ICE1: variants seen among roughly 807,000 people sequenced by gnomAD.
ICE1 encodes little elongation complex subunit 1.
In ICE1, 64 loss-of-function variants were observed where a neutral mutation model predicts 192.7. The observed-to-expected ratio is 0.33, with a 90% CI of 0.27 to 0.41. The LOEUF is 0.41. ICE1 is among the 10% of genes least tolerant of loss of function. The probability of loss-of-function intolerance (pLI) is 1.00; values close to 1 mark genes in which losing one functional copy is unlikely to be tolerated. For missense variants in ICE1, 2,708 were observed against 2,696.0 expected, an observed-to-expected ratio of 1.00 and a Z score of -0.10; for synonymous variants, 1,010 against 984.5, an observed-to-expected ratio of 1.03 and a Z score of -0.49.
chr5:5,424,927 C>T (rs553941791), intron 1 of ICE1, among the ~76,000 whole-genome samples: 1 of 152,234 alleles, frequency 6.6e-6, no homozygotes, highest in African/African-American at 2.4e-5. Flanking sequence ...TCCTGTAGAC[C>T]ATTGTTGGGG....
Position 5,422,735 on chromosome 5 carries a change from G to T in ICE1, c.-181G>T, listed in dbSNP as rs1737341834. On this transcript the variant is annotated 5_prime_UTR_variant, in exon 1 of 19. Coordinates refer to ENST00000296564, the MANE Select transcript of ICE1 (RefSeq NM_015325.3). Reference sequence around the variant, plus strand: ...GCGTTTCTTTTTAGTGCCTGAGGCAGCTCTGGCTCGGAGAGCCTTTTGCTA... The same window carrying T: ...GCGTTTCTTTTTAGTGCCTGAGGCATCTCTGGCTCGGAGAGCCTTTTGCTA... 2.7e-6 allele frequency: 1 copy of T among 372,654 alleles called. No homozygotes were observed. 23.1% of individuals were successfully genotyped at this position (372,654 alleles called of 1,614,324 possible).
intron 17 of ICE1, among the ~76,000 whole-genome samples, chr5:5,476,432 A>C (rs1178764952): frequency 6.6e-6 from 1 of 152,170 alleles, no homozygotes; most frequent in African/African-American, 2.4e-5. Flanking sequence ...CCATTCTTGC[A>C]TTGCTATATA....
At chr5:5,446,327 C>G (rs72643752) in intron 7 of ICE1, among the ~76,000 whole-genome samples, 5,005 of 152,074 alleles carry the variant, frequency 0.033, 178 homozygotes, top group East Asian at 0.16. Flanking sequence ...CAGGGTCTCA[C>G]TCCGTCACCT....
In ICE1 at chr5:5,463,865, C is replaced by T; in HGVS notation, c.4531C>T (p.Arg1511Ter). The T allele has an allele frequency of 4.3e-6, 7 of 1,613,756 alleles. No individual in the cohort carries two copies. The highest frequency in any genetic ancestry group is 1.1e-5 in the South Asian group (1 of 91,058). Reference protein sequence around the residue: ...QSTNFDKSRLRNRPVKPSIWI... With the variant: ...QSTNFDKSRL ...CACCAACTTTGATAAGAGTCGTTTGCGAAATAGACCCGTTAAGCCTAGTAT... is the reference window on the plus strand; with the variant it reads ...CACCAACTTTGATAAGAGTCGTTTGTGAAATAGACCCGTTAAGCCTAGTAT... Residue 1511 changes from arginine (R) to a stop codon, truncating the protein, a stop_gained, in exon 13 of 19, where the codon CGA (arginine) becomes TGA (stop). Transcript: ENST00000296564. LOFTEE classifies it high-confidence loss of function.
chr5:5,477,618 T>A (rs1304056134), intron 17 of ICE1, among the ~76,000 whole-genome samples: 2 of 152,002 alleles, frequency 1.3e-5, no homozygotes, highest in African/African-American at 4.8e-5. Context: ...AAAGAAGGAA[T>A]CCTCCCTAAC....
chr5:5,439,732 C>T (rs1356994450), intron 3 of ICE1, among the ~76,000 whole-genome samples, 163 bp from the exon 4 acceptor site: 2 of 152,148 alleles, frequency 1.3e-5, no homozygotes, highest in Admixed American at 6.5e-5. Context: ...AAAAGACTTA[C>T]CACTGTGTTT....
At chr5:5,481,985 TCTC>T (rs1739516535) in intron 17 of ICE1, among the ~76,000 whole-genome samples, 1 of 152,228 alleles carries the variant, frequency 6.6e-6, no homozygotes, top group African/African-American at 2.4e-5. Context: ...TAAAATGTGG[TCTC>T]CTGACTAAGC....
intron 18 of ICE1, among the ~76,000 whole-genome samples, chr5:5,487,144 C>G (rs1739657980): frequency 6.6e-6 from 1 of 152,170 alleles, no homozygotes; most frequent in African/African-American, 2.4e-5. Flanking sequence ...AACCTGGGCT[C>G]TCTGCGAGGC....
chr5:5,470,738 T>C (rs1334707746), intron 15 of ICE1, among the ~76,000 whole-genome samples: 1 of 152,188 alleles, frequency 6.6e-6, no homozygotes, highest in Non-Finnish European at 1.5e-5. Flanking sequence ...CAAAATTCCC[T>C]GGTAATAATT....
Position 5,463,565 on chromosome 5 carries a change from A to C in ICE1, c.4231A>C (p.Asn1411His). The C allele has an allele frequency of 6.2e-7, 1 of 1,614,008 alleles. No individual in the cohort carries two copies. The highest frequency in any genetic ancestry group is 1.1e-5 in the South Asian group (1 of 91,072). ...CTCAGAAGTTATAAACGTACTTATA[A>C]ATAAGGATCAGAATCTAGTCATTGA... ...VTSEVINVLI[N>H]KDQNLVIEKG... Residue 1411 changes from asparagine (N) to histidine (H), a missense_variant, in exon 13 of 19, where the codon AAT becomes CAT. Transcript: ENST00000296564.
intron 14 of ICE1, 26 bp downstream of exon 14, chr5:5,466,528 T>C (rs1356432129): frequency 2.5e-6 from 4 of 1,575,312 alleles, no homozygotes; most frequent in Admixed American, 1.9e-5. Flanking sequence ...GACAATTTTG[T>C]ATTGAAAATA....
At chr5:5,439,938 A>G (rs777824745) in intron 4 of ICE1, 25 bp downstream of exon 4, 1 of 1,522,110 alleles carries the variant, frequency 6.6e-7, no homozygotes, top group South Asian at 1.2e-5. Flanking sequence ...TTCATAGTTT[A>G]TGATACCACC....
chr5:5,480,705 C>G (rs1046605011), intron 17 of ICE1, among the ~76,000 whole-genome samples: 2 of 152,158 alleles, frequency 1.3e-5, no homozygotes, highest in African/African-American at 4.8e-5. Flanking sequence ...TCTGTGTGTA[C>G]TTTGCATGCA....
chr5:5,466,294 A>G (rs755777693), intron 13 of ICE1, 40 bp from the exon 14 acceptor site: 5 of 1,524,674 alleles, frequency 3.3e-6, no homozygotes, highest in Admixed American at 2.2e-5. Context: ...GAAGATAAGT[A>G]TGAGTGTACA....
chr5:5,425,225 G>A (rs1737486117), intron 1 of ICE1, among the ~76,000 whole-genome samples: 2 of 152,088 alleles, frequency 1.3e-5, no homozygotes, highest in South Asian at 2.1e-4. Flanking sequence ...CCTAGAAATT[G>A]AATCTCCTTC....
chr5:5,434,659 A>C (rs1258744455), intron 1 of ICE1, among the ~76,000 whole-genome samples: 2 of 152,228 alleles, frequency 1.3e-5, no homozygotes, highest in Non-Finnish European at 2.9e-5. Flanking sequence ...TGTAAAAGCT[A>C]ACCAGGATGT....
At chr5:5,469,733 T>G (rs1739100907) in intron 15 of ICE1, among the ~76,000 whole-genome samples, 1 of 152,204 alleles carries the variant, frequency 6.6e-6, no homozygotes, top group African/African-American at 2.4e-5. Flanking sequence ...TAGGCTTTTA[T>G]TTTTTATAAA....
intron 17 of ICE1, among the ~76,000 whole-genome samples, chr5:5,480,621 T>G (rs1479008599): frequency 1.3e-5 from 2 of 152,200 alleles, no homozygotes; most frequent in Non-Finnish European, 2.9e-5. Flanking sequence ...GTTATATAAG[T>G]CAGTCTAAAA....
In ICE1 at chr5:5,461,813, C is replaced by G; in HGVS notation, c.2479C>G (p.Gln827Glu). 1 of 1,613,968 alleles carries G rather than the reference C, an allele frequency of 6.2e-7. No homozygotes were observed. The highest frequency in any genetic ancestry group is 8.5e-7 in the Non-Finnish European group (1 of 1,179,876). Residue 827 changes from glutamine (Q) to glutamate (E), a missense_variant, in exon 13 of 19, where the codon CAA (glutamine) becomes GAA (glutamate). Physicochemically the swap from Gln to Glu is conservative, Grantham distance 29 (BLOSUM62 2). Transcript: ENST00000296564. ...GTTACAAAAGGCAATGCCATTCCTA[C>G]AAAATAGAGGACCAACACCCAAGCC... ...HQLQKAMPFL[Q>E]NRGPTPKPDL...
Sources: allele counts gnomAD v4.1 joint callset (sites outside exome capture counted in the v4.1 genomes callset), GRCh38; gene constraint gnomAD v4.1.1; transcripts MANE v1.5; gene names NCBI Gene and HGNC (gene_info 2026-07-23, HGNC 2026-07-21).